The following CNTNAP4 variants were observed in gnomAD, a reference collection of about 807,000 sequenced individuals.
CNTNAP4 encodes contactin associated protein family member 4.
CNTNAP4 carries 98 observed loss-of-function variants against 148.4 expected under a neutral mutation model. The ratio of observed to expected loss-of-function variants is 0.66; its 90% confidence interval spans 0.56 to 0.78. CNTNAP4 has a LOEUF of 0.78. Among genes scored for constraint, CNTNAP4 ranks in the 30% least tolerant of loss-of-function variants. The pLI, the probability that CNTNAP4 is intolerant of heterozygous loss-of-function variation, is 0.00. For missense variants in CNTNAP4, 1,935 were observed against 1,565.6 expected (o/e 1.24, Z -3.98); for synonymous variants, 730 against 565.1 (o/e 1.29, Z -4.14).
chr16:76,486,364 A>T (rs1424892275), intron 12 of CNTNAP4, among the ~76,000 whole-genome samples: 1 of 152,180 alleles, frequency 6.6e-6, no homozygotes, highest in Non-Finnish European at 1.5e-5. Flanking sequence ...ACCAGTTCGA[A>T]GGAGAATCCA....
At chr16:76,535,156 A>G (rs769432049) in intron 17 of CNTNAP4, among the ~76,000 whole-genome samples, 1 of 152,228 alleles carries the variant, frequency 6.6e-6, no homozygotes, top group Non-Finnish European at 1.5e-5. Context: ...ACCAGAATCA[A>G]GATCAGGTTT....
intron 14 of CNTNAP4, among the ~76,000 whole-genome samples, chr16:76,497,615 T>C (rs978183763): frequency 3.1e-4 from 46 of 149,614 alleles, no homozygotes; most frequent in Non-Finnish European, 7.4e-5. Flanking sequence ...AAACACTGCA[T>C]GTTCTCACTC....
At chr16:76,538,431 C>A in intron 19 of CNTNAP4, 91 bp downstream of exon 19, 3 of 975,492 alleles carry the variant, frequency 3.1e-6, no homozygotes, top group Non-Finnish European at 3.1e-6. Flanking sequence ...GCTTCTCAAG[C>A]TACAAACAGA....
At chr16:76,449,976 A>T in intron 7 of CNTNAP4, 118 bp downstream of exon 7, 1 of 841,354 alleles carries the variant, frequency 1.2e-6, no homozygotes, top group Non-Finnish European at 1.8e-6. Context: ...TTATTTAAAT[A>T]TTTTTCTTTG....
chr16:76,471,000 TCACA>T (rs1184963930), intron 10 of CNTNAP4, among the ~76,000 whole-genome samples: 2 of 151,034 alleles, frequency 1.3e-5, no homozygotes, highest in East Asian at 3.9e-4. Context: ...TCATGCACAC[TCACA>T]CACAACCATC....
At chr16:76,475,311 G>A (rs918974589) in intron 10 of CNTNAP4, among the ~76,000 whole-genome samples, 5 of 152,154 alleles carry the variant, frequency 3.3e-5, no homozygotes, top group African/African-American at 1.2e-4. Flanking sequence ...AATATATAAT[G>A]ATCTAATGTT....
At chr16:76,503,319 C>T (rs1245993445) in intron 15 of CNTNAP4, among the ~76,000 whole-genome samples, 1 of 152,056 alleles carries the variant, frequency 6.6e-6, no homozygotes, top group Non-Finnish European at 1.5e-5. Context: ...AAAAGTTAAT[C>T]AACCTGATTT....
At chr16:76,523,215 G>A (rs570715301) in intron 17 of CNTNAP4, among the ~76,000 whole-genome samples, 2 of 151,916 alleles carry the variant, frequency 1.3e-5, no homozygotes, top group Non-Finnish European at 2.9e-5. Flanking sequence ...TCCAGCCGAT[G>A]CCAAACATTG....
At chr16:76,523,928 T>TCAA (rs969771559) in intron 17 of CNTNAP4, among the ~76,000 whole-genome samples, 24 of 152,142 alleles carry the variant, frequency 1.6e-4, no homozygotes, top group Middle Eastern at 6.8e-3. Context: ...AGCCCCTGTC[T>TCAA]CAACAACAAC....
intron 1 of CNTNAP4, among the ~76,000 whole-genome samples, chr16:76,312,803 G>T (rs181543868): frequency 2.6e-5 from 4 of 152,280 alleles, no homozygotes; most frequent in Admixed American, 2.6e-4. Flanking sequence ...GATCTCATCT[G>T]CAAGAGAGTA....
chr16:76,451,155 G>A (rs2080458157), intron 7 of CNTNAP4, among the ~76,000 whole-genome samples: 2 of 152,158 alleles, frequency 1.3e-5, no homozygotes, highest in African/African-American at 4.8e-5. Flanking sequence ...GGACAGACTG[G>A]AACAAACCAG....
chr16:76,467,621 T>C, intron 10 of CNTNAP4, 98 bp downstream of exon 10: 1 of 962,534 alleles, frequency 1.0e-6, no homozygotes, highest in Non-Finnish European at 1.5e-6. Flanking sequence ...CTCTTCCCCA[T>C]TCTTATCTGT....
Position 76,397,938 on chromosome 16 carries a change from TTATATACATATATATATATATATATA to T in CNTNAP4, c.391-29507_391-29482del, listed in dbSNP as rs1204619534. ...TCTCTAGAGGGACAGAACTAATAGA[TTATATACATATATATATATATATATA>T]TATATATATATATATATATATATAT... On this transcript the variant is annotated intron_variant, in intron 3 of 23. Coordinates refer to ENST00000611870, the MANE Select transcript of CNTNAP4 (RefSeq NM_033401.5). Among the ~76,000 whole-genome samples, 1,369 of 62,286 alleles carry T rather than the reference TTATATACATATATATATATATATATA, an allele frequency of 0.022. 175 individuals carry two copies. In the East Asian group the frequency reaches 0.26, roughly 12 times the overall value. 40.9% of individuals were successfully genotyped at this position (62,286 alleles called of 152,430 possible). A position where few individuals can be genotyped will look rare whatever the true frequency, so the allele number is the denominator to read the frequency against.
chr16:76,401,876 A>G (rs1453774270), intron 3 of CNTNAP4, among the ~76,000 whole-genome samples: 7 of 152,196 alleles, frequency 4.6e-5, no homozygotes, highest in African/African-American at 1.4e-4. Context: ...CCAACCTTGC[A>G]TCCCAGAGAT....
intron 1 of CNTNAP4, among the ~76,000 whole-genome samples, chr16:76,286,026 A>C (rs1958867342): frequency 6.6e-6 from 1 of 152,150 alleles, no homozygotes; most frequent in African/African-American, 2.4e-5. Context: ...ATGTAGATTT[A>C]TATCTTTAAG....
intron 2 of CNTNAP4, among the ~76,000 whole-genome samples, chr16:76,354,191 T>G (rs1430013374): frequency 6.6e-6 from 1 of 152,196 alleles, no homozygotes; most frequent in Admixed American, 6.5e-5. Context: ...AGTCAAACCC[T>G]ATTTCGTAAC....
At chr16:76,402,569 A>G (rs1358293138) in intron 3 of CNTNAP4, among the ~76,000 whole-genome samples, 1 of 151,580 alleles carries the variant, frequency 6.6e-6, no homozygotes, top group Admixed American at 6.6e-5. Flanking sequence ...TTTAGCTCTG[A>G]TTTTGGTTAT....
At chr16:76,525,754 C>CTTATG (rs1568511159) in intron 17 of CNTNAP4, among the ~76,000 whole-genome samples, 1 of 146,012 alleles carries the variant, frequency 6.8e-6, no homozygotes, top group East Asian at 2.0e-4. Context: ...TATAATATAG[C>CTTATG]TTATATATAA....
At chr16:76,473,081 T>C (rs2081431780) in intron 10 of CNTNAP4, among the ~76,000 whole-genome samples, 1 of 152,256 alleles carries the variant, frequency 6.6e-6, no homozygotes, top group African/African-American at 2.4e-5. Flanking sequence ...TTAATATTTT[T>C]AAATCTCCCT....
Sources: allele counts gnomAD v4.1 joint callset (sites outside exome capture counted in the v4.1 genomes callset), GRCh38; gene constraint gnomAD v4.1.1; transcripts MANE v1.5; gene names NCBI Gene and HGNC (gene_info 2026-07-23, HGNC 2026-07-21).